CYSTM1: variants seen among roughly 807,000 people sequenced by gnomAD.
CYSTM1 encodes cysteine rich transmembrane module containing 1.
A neutral mutation model predicts 13.1 loss-of-function variants in CYSTM1; 4 were observed. The observed-to-expected ratio is 0.31, with a 90% confidence interval of 0.15 to 0.70. The LOEUF is 0.70. Among genes scored for constraint, CYSTM1 ranks in the 30% least tolerant of loss-of-function variants. The pLI, the probability that CYSTM1 is intolerant of heterozygous loss-of-function variation, is 0.72. For synonymous variants in CYSTM1, 36 were observed against 42.7 expected (o/e 0.84, Z 0.62); for missense variants, 96 against 121.6 (o/e 0.79, Z 0.99).
intron 2 of CYSTM1, among the ~76,000 whole-genome samples, chr5:140,235,030 G>A (rs984008927): frequency 9.4e-5 from 14 of 149,490 alleles, no homozygotes; most frequent in Non-Finnish European, 1.9e-4. Context: ...TCAGTGGCGC[G>A]ATCTCGGCTT....
At chr5:140,191,536 G>A (rs894395143) in intron 1 of CYSTM1, among the ~76,000 whole-genome samples, 2 of 152,120 alleles carry the variant, frequency 1.3e-5, no homozygotes, top group African/African-American at 4.8e-5. Context: ...GCAAACAAAT[G>A]GATCAATAAA....
At chr5:140,226,613 A>ATATATATATATATATATATATAT (rs61099181) in intron 2 of CYSTM1, among the ~76,000 whole-genome samples, 99 of 85,154 alleles carry the variant, frequency 1.2e-3, no homozygotes, top group South Asian at 2.3e-3. Context: ...TATATATATA[A>ATATATATATATATATATATATAT]AAATTAGCCA....
At chr5:140,181,210 T>C (rs1763957302) in intron 1 of CYSTM1, among the ~76,000 whole-genome samples, 1 of 152,176 alleles carries the variant, frequency 6.6e-6, no homozygotes, top group Non-Finnish European at 1.5e-5. Context: ...GAGGGGGACA[T>C]TTGTAAGAAT....
chr5:140,182,027 A>T (rs1465526956), intron 1 of CYSTM1, among the ~76,000 whole-genome samples: 1 of 152,154 alleles, frequency 6.6e-6, no homozygotes, highest in Non-Finnish European at 1.5e-5. Flanking sequence ...TCTTATCTTT[A>T]TGTCATCTGT....
intron 2 of CYSTM1, among the ~76,000 whole-genome samples, chr5:140,194,926 G>C (rs1020455029): frequency 6.6e-6 from 1 of 152,200 alleles, no homozygotes; most frequent in Non-Finnish European, 1.5e-5. Context: ...TTGGGGGTGG[G>C]GAAGGAATTA....
At chr5:140,220,117 T>A (rs144806372) in intron 2 of CYSTM1, among the ~76,000 whole-genome samples, 30 of 152,374 alleles carry the variant, frequency 2.0e-4, no homozygotes, top group African/African-American at 7.0e-4. Flanking sequence ...TTCCTATCTC[T>A]GTTTCACTCT....
intron 2 of CYSTM1, among the ~76,000 whole-genome samples, chr5:140,206,402 A>G (rs1475387302): frequency 6.6e-6 from 1 of 152,078 alleles, no homozygotes; most frequent in Non-Finnish European, 1.5e-5. Context: ...TATATTCACT[A>G]CTGAATTTTA....
intron 2 of CYSTM1, among the ~76,000 whole-genome samples, chr5:140,218,552 G>A (rs1433990506): frequency 2.0e-5 from 3 of 152,200 alleles, no homozygotes; most frequent in African/African-American, 4.8e-5. Flanking sequence ...AGCTGGAAGA[G>A]GCTGTCACAC....
intron 2 of CYSTM1, among the ~76,000 whole-genome samples, chr5:140,228,141 T>C (rs1359681332): frequency 6.6e-6 from 1 of 152,174 alleles, no homozygotes; most frequent in Non-Finnish European, 1.5e-5. Flanking sequence ...GCAACAACCA[T>C]ACTTTACATA....
intron 1 of CYSTM1, among the ~76,000 whole-genome samples, chr5:140,182,107 C>T (rs1199224865): frequency 3.3e-5 from 5 of 152,134 alleles, no homozygotes; most frequent in Admixed American, 3.3e-4. Flanking sequence ...AAAAGGGAAA[C>T]GATATCATTG....
chr5:140,221,368 T>C (rs1764486787), intron 2 of CYSTM1, among the ~76,000 whole-genome samples: 1 of 152,206 alleles, frequency 6.6e-6, no homozygotes, highest in Non-Finnish European at 1.5e-5. Context: ...GAACAACAAC[T>C]CACCATTTTC....
At chr5:140,196,639 G>A (rs751535457) in intron 2 of CYSTM1, among the ~76,000 whole-genome samples, 6 of 152,126 alleles carry the variant, frequency 3.9e-5, no homozygotes, top group Non-Finnish European at 7.4e-5. Context: ...CAGTATAATC[G>A]GAGTAGTTGG....
chr5:140,226,502 ATAAATATATATT>A (rs1343872307), intron 2 of CYSTM1, among the ~76,000 whole-genome samples: 2 of 98,722 alleles, frequency 2.0e-5, no homozygotes, highest in African/African-American at 7.0e-5. Flanking sequence ...TATAATATAT[ATAAATATATATT>A]AATAATATAT....
At chr5:140,187,302 T>TA (rs75475608) in intron 1 of CYSTM1, among the ~76,000 whole-genome samples, 3,559 of 140,960 alleles carry the variant, frequency 0.025, 143 homozygotes, top group African/African-American at 0.084. Context: ...AATGGGGAGT[T>TA]AAAAAAAAAA....
At chr5:140,228,793 G>A in intron 2 of CYSTM1, 1 of 399,680 alleles carries the variant, frequency 2.5e-6, no homozygotes, top group Non-Finnish European at 4.4e-6. Flanking sequence ...GCTGCTTGCT[G>A]GGCTGCTCTC....
intron 2 of CYSTM1, among the ~76,000 whole-genome samples, chr5:140,235,212 TC>T (rs966922893): frequency 6.6e-6 from 1 of 151,836 alleles, no homozygotes; most frequent in African/African-American, 2.4e-5. Flanking sequence ...AGGTTATCTG[TC>T]TGCCTCAGCC....
At chr5:140,201,093 A>G (rs1365202175) in intron 2 of CYSTM1, 1 of 152,152 alleles carries the variant, frequency 6.6e-6, no homozygotes. Context: ...GTTGATGGGC[A>G]TTTAGGTTGT....
chr5:140,177,560 C>T (rs1484336273), intron 1 of CYSTM1, among the ~76,000 whole-genome samples: 1 of 152,106 alleles, frequency 6.6e-6, no homozygotes, highest in Non-Finnish European at 1.5e-5. Context: ...CTGGTTTGTG[C>T]GTAAATATAG....
intron 2 of CYSTM1, among the ~76,000 whole-genome samples, chr5:140,203,509 A>G (rs568682951): frequency 5.9e-5 from 9 of 152,314 alleles, no homozygotes; most frequent in African/African-American, 2.2e-4. Context: ...ATGGGATGGG[A>G]GATCTTTGGA....
Sources: allele counts gnomAD v4.1 joint callset (sites outside exome capture counted in the v4.1 genomes callset), GRCh38; gene constraint gnomAD v4.1.1; transcripts MANE v1.5; gene names NCBI Gene and HGNC (gene_info 2026-07-23, HGNC 2026-07-21).